The following DOCK4 variants were observed in gnomAD, a reference collection of about 807,000 sequenced individuals.
DOCK4 encodes dedicator of cytokinesis protein 4.
In DOCK4, 97 loss-of-function variants were observed where a neutral mutation model predicts 268.1. That is an observed-to-expected ratio of 0.36 (90% confidence interval 0.31 to 0.43). The LOEUF is 0.43. Ranked by LOEUF, DOCK4 falls within the 20% of genes least tolerant of loss-of-function variation. The pLI is 1.00. For synonymous variants in DOCK4, 954 were observed against 887.2 expected (o/e 1.08, Z -1.34); for missense variants, 2,145 against 2,455.7 (o/e 0.87, Z 2.67).
chr7:112,134,828 T>C (rs769500404), intron 1 of DOCK4, among the ~76,000 whole-genome samples: 1 of 152,228 alleles, frequency 6.6e-6, no homozygotes, highest in African/African-American at 2.4e-5. Flanking sequence ...AGTGCCACAA[T>C]GCATTATCCT....
chr7:112,153,411 T>C, intron 1 of DOCK4, among the ~76,000 whole-genome samples: 1 of 152,168 alleles, frequency 6.6e-6, no homozygotes, highest in East Asian at 1.9e-4. Flanking sequence ...GTCCACCAGC[T>C]GCTACACTTT....
intron 3 of DOCK4, among the ~76,000 whole-genome samples, chr7:111,998,836 A>T (rs9641473): frequency 0.69 from 104,976 of 152,112 alleles, 38,128 homozygotes; most frequent in East Asian, 0.99. Context: ...ATAAGAGTTT[A>T]CAAAATATGT....
At chr7:111,744,386 C>T (rs748592625) in intron 44 of DOCK4, among the ~76,000 whole-genome samples, 2 of 152,190 alleles carry the variant, frequency 1.3e-5, no homozygotes, top group African/African-American at 2.4e-5. Context: ...CCTCTCCAGT[C>T]CACCTCCCCA....
chr7:111,793,912 G>T (rs1298327020), intron 30 of DOCK4, among the ~76,000 whole-genome samples: 1 of 152,106 alleles, frequency 6.6e-6, no homozygotes. Context: ...GTGTGGCAGG[G>T]GTCAGGGTTG....
At chr7:111,805,548 A>G (rs972929565) in intron 30 of DOCK4, among the ~76,000 whole-genome samples, 3 of 152,222 alleles carry the variant, frequency 2.0e-5, no homozygotes, top group Non-Finnish European at 4.4e-5. Context: ...TCTAGGTCTC[A>G]TAGGGTTGAA....
At chr7:111,990,820 T>C (rs935129753) in intron 5 of DOCK4, among the ~76,000 whole-genome samples, 1 of 152,210 alleles carries the variant, frequency 6.6e-6, no homozygotes, top group African/African-American at 2.4e-5. Context: ...TGGCTGTAAG[T>C]GCCCAATCAC....
intron 40 of DOCK4, 101 bp downstream of exon 40, chr7:111,760,080 T>A: frequency 7.0e-7 from 1 of 1,428,360 alleles, no homozygotes; most frequent in Non-Finnish European, 9.7e-7. Context: ...ACGATGTGGC[T>A]ATTGAAAAGG....
At chr7:111,917,704 A>G (rs1466596410) in intron 12 of DOCK4, among the ~76,000 whole-genome samples, 1 of 149,226 alleles carries the variant, frequency 6.7e-6, no homozygotes, top group Non-Finnish European at 1.5e-5. Context: ...AGACCCCATA[A>G]TAAAAAAAAA....
intron 27 of DOCK4, chr7:111,821,923 A>T (rs1015489589): frequency 6.5e-6 from 1 of 153,190 alleles, no homozygotes; most frequent in Non-Finnish European, 1.5e-5. Flanking sequence ...TGGTCATTCA[A>T]TGCAATATTA....
chr7:111,740,408 GTCT>G (rs1795827303), intron 47 of DOCK4, among the ~76,000 whole-genome samples: 1 of 148,718 alleles, frequency 6.7e-6, no homozygotes, highest in Admixed American at 6.7e-5. Flanking sequence ...GCCAAATCAT[GTCT>G]TCTTAAAGAA....
At position 112,206,154 on chromosome 7, in the gene DOCK4, G is replaced by A. The variant is rs780090373; in HGVS notation, c.-16C>T. On this transcript the variant is annotated 5_prime_UTR_variant, in exon 1 of 53. Coordinates refer to ENST00000428084, the MANE Select transcript of DOCK4 (RefSeq NM_001363540.2). ...GTATCCACATGGCTAAAGGGGCTCC[G>A]GGGTCTTCAGGCTTTGTAATCCCCG... is the stretch of plus-strand genomic sequence containing the variant. 6 of 1,573,620 alleles carry A rather than the reference G, an allele frequency of 3.8e-6. No homozygotes were observed. The East Asian group carries it at 9.4e-5, about 25-fold the overall frequency.
intron 13 of DOCK4, among the ~76,000 whole-genome samples, chr7:111,906,402 G>C (rs1182187856): frequency 1.3e-5 from 2 of 152,066 alleles, no homozygotes; most frequent in Non-Finnish European, 2.9e-5. Context: ...AAGGGAAATT[G>C]GTCCAACATA....
In DOCK4 at chr7:112,055,868, A is replaced by T. The variant is rs553074978; in HGVS notation, c.38-51737T>A. ...GGCTGCAGTGAGCCAAGATTATGCCACTGCACGTCTCCAGCCTGAGTGACA... is the reference window on the plus strand; with the variant it reads ...GGCTGCAGTGAGCCAAGATTATGCCTCTGCACGTCTCCAGCCTGAGTGACA... On this transcript the variant is annotated intron_variant, in intron 1 of 52. Transcript: ENST00000428084. 1.0e-3 allele frequency among the ~76,000 whole-genome samples: 157 copies of T among 151,962 alleles called. 1 individual carries two copies. Among genetic ancestry groups the T allele is most frequent in the African/African-American group, 3.7e-3 (152 of 41,436 alleles).
chr7:112,004,124 G>T lies in DOCK4; in HGVS notation c.45C>A (p.Ala15=). Residue 15 remains alanine (A), a synonymous_variant, in exon 2 of 53, where the codon GCC becomes GCA. Transcript: ENST00000428084. The stretch of plus-strand genomic sequence containing the variant: ...CATATGGAACGGTTCCTCGGAAACT[G>T]GCAATAACTGTAAAAAATGATAAAG... ...TEHEKYGVVI[A]SFRGTVPYGL... is the part of the protein sequence containing the mutation. 1 of 1,585,122 alleles carries T rather than the reference G, an allele frequency of 6.3e-7. No individual in the cohort carries two copies. The highest frequency in any genetic ancestry group is 1.2e-5 in the South Asian group (1 of 86,434).
At chr7:112,128,406 T>A (rs1455849742) in intron 1 of DOCK4, among the ~76,000 whole-genome samples, 1 of 152,026 alleles carries the variant, frequency 6.6e-6, no homozygotes, top group African/African-American at 2.4e-5. Context: ...CACCACCCCG[T>A]CTGGGAGGTG....
intron 8 of DOCK4, among the ~76,000 whole-genome samples, chr7:111,974,376 G>T (rs910280617): frequency 2.0e-5 from 3 of 152,012 alleles, no homozygotes; most frequent in African/African-American, 7.3e-5. Context: ...TATGGTGATT[G>T]TGAGTTTGAG....
chr7:111,957,689 A>C (rs983427054), intron 8 of DOCK4, among the ~76,000 whole-genome samples: 1 of 152,182 alleles, frequency 6.6e-6, no homozygotes. Flanking sequence ...GTTTTATTCA[A>C]TGATGTGTTC....
At chr7:111,918,503 A>G (rs1383506069) in intron 12 of DOCK4, among the ~76,000 whole-genome samples, 11 of 152,198 alleles carry the variant, frequency 7.2e-5, no homozygotes, top group Non-Finnish European at 8.8e-5. Flanking sequence ...GCTTTTGGAC[A>G]CTTTATGTGA....
chr7:112,111,721 A>G (rs538873386), intron 1 of DOCK4, among the ~76,000 whole-genome samples: 34 of 152,308 alleles, frequency 2.2e-4, no homozygotes, highest in African/African-American at 7.9e-4. Flanking sequence ...TATAAGGGCC[A>G]GGGGCGAGGT....
Sources: allele counts gnomAD v4.1 joint callset (sites outside exome capture counted in the v4.1 genomes callset), GRCh38; gene constraint gnomAD v4.1.1; transcripts MANE v1.5; gene names NCBI Gene and HGNC (gene_info 2026-07-23, HGNC 2026-07-21).